Variants in JAG2 observed in about 807,000 individuals in gnomAD.
The protein encoded by JAG2 is protein jagged-2.
A neutral mutation model predicts 141.7 loss-of-function variants in JAG2; 46 were observed. That is an observed-to-expected ratio of 0.32 (90% CI 0.26 to 0.42). The LOEUF is 0.42. JAG2 is among the 10% of genes least tolerant of loss of function. The pLI, the probability that JAG2 is intolerant of heterozygous loss-of-function variation, is 1.00. For synonymous variants in JAG2, 862 were observed against 763.5 expected (o/e 1.13, Z -2.13); for missense variants, 1,500 against 1,817.5 (o/e 0.83, Z 3.18).
chr14:105,145,084 T>A, intron 23 of JAG2, 23 bp from the exon 24 acceptor site: 1 of 1,608,614 alleles, frequency 6.2e-7, no homozygotes. Flanking sequence ...AGGCAGTGCG[T>A]GGGCAGGGCA....
chr14:105,168,243 C>A, intron 1 of JAG2, 112 bp downstream of exon 1: 1 of 788,748 alleles, frequency 1.3e-6, no homozygotes, highest in South Asian at 5.6e-5. Flanking sequence ...CCGCCGCGCG[C>A]AGCCTCGAGG....
chr14:105,150,483 G>A (rs902345678), intron 12 of JAG2, 121 bp downstream of exon 12: 12 of 1,026,946 alleles, frequency 1.2e-5, no homozygotes, highest in East Asian at 7.8e-5. Flanking sequence ...AGCCTGGGAC[G>A]CCTTGGGGAC....
intron 2 of JAG2, among the ~76,000 whole-genome samples, chr14:105,163,578 C>T (rs1018866752): frequency 2.9e-5 from 4 of 138,092 alleles, no homozygotes; most frequent in Non-Finnish European, 4.6e-5. Flanking sequence ...ACAGGGACTC[C>T]GCTCAGGCCT....
At position 105,168,097 on chromosome 14, in the gene JAG2, G is replaced by T; in HGVS notation, c.77C>A (p.Pro26His). 1 of 1,556,908 alleles carries T rather than the reference G, an allele frequency of 6.4e-7. No individual in the cohort carries two copies. Residue 26 changes from proline to histidine, a missense_variant, in exon 2 of 26, where the codon CCC (proline) becomes CAC (histidine). Physicochemically the swap from Pro to His is moderately conservative, Grantham distance 77 (BLOSUM62 -2). Around this residue, in one of 3 missense-constraint regions of JAG2, gnomAD observed 200 missense variants for 174.3 expected, o/e 1.15. Coordinates refer to ENST00000331782, the MANE Select transcript of JAG2 (RefSeq NM_002226.5). ...LLALWVQAAR[P>H]MGYFELQLSA... is the part of the protein sequence containing the mutation. ...CAGCTGCAGCTCGAAATAGCCCATG[G>T]GCCGCGCCGCCTAAAAATAAGGCAG... is the stretch of plus-strand genomic sequence containing the variant.
chr14:105,145,000 G>A lies in JAG2; in HGVS notation c.3014C>T (p.Ala1005Val). The change falls in exon 24 of 26, where the codon GCA becomes GTA. Residue 1005 changes from alanine (A) to valine (V), a missense_variant. Ala to Val is a moderately conservative substitution (Grantham distance 64). Transcript: ENST00000331782. Reference sequence around the variant, plus strand: ...AAGCAACACCAGCAGGCGGTCCCGTGCCACAGCCCTTGTGGCTGGCAGGGA... The same window carrying A: ...AAGCAACACCAGCAGGCGGTCCCGTACCACAGCCCTTGTGGCTGGCAGGGA... ...IRSLPATRAV[A>V]RDRLLVLLCD... 1 of 1,609,740 alleles carries A rather than the reference G, an allele frequency of 6.2e-7. No homozygotes were observed.
Position 105,165,806 on chromosome 14 carries a change from G to A in JAG2, c.417+1951C>T, listed in dbSNP as rs1888891248. ...CGGGCCTGGGCAGGATGCCACCCTA[G>A]CCTCCAGGCTGAAACCCCTCCTCAG... On this transcript the variant is annotated intron_variant, in intron 2 of 25. Coordinates refer to ENST00000331782, the MANE Select transcript of JAG2 (RefSeq NM_002226.5). Among the ~76,000 whole-genome samples the A allele has an allele frequency of 2.6e-5, 4 of 152,214 alleles. No individual in the cohort carries two copies. The South Asian group carries it at 8.3e-4, about 32-fold the overall frequency.
Position 105,155,955 on chromosome 14 carries a change from G to A in JAG2, c.510C>T (p.Gly170=), listed in dbSNP as rs1021660687. 4 of 1,609,034 alleles carry A rather than the reference G, an allele frequency of 2.5e-6. No homozygotes were observed. Among genetic ancestry groups the A allele is most frequent in the South Asian group, 1.1e-5 (1 of 91,046 alleles). Residue 170 remains glycine (G), a synonymous_variant, in exon 4 of 26, where the codon GGC becomes GGT. Transcript: ENST00000331782. The part of the protein sequence containing the change: ...ELLIERVSHA[G]MINPEDRWKS... Reference sequence around the variant, plus strand: ...TCCAGCGGTCCTCCGGGTTGATCATGCCGGCATGCGACACTCGCTCGATCA... The same window carrying A: ...TCCAGCGGTCCTCCGGGTTGATCATACCGGCATGCGACACTCGCTCGATCA...
Position 105,150,998 on chromosome 14 carries a change from G to A in JAG2, c.1374C>T (p.Cys458=). 4 of 1,612,342 alleles carry A rather than the reference G, an allele frequency of 2.5e-6. No homozygotes were observed. Among genetic ancestry groups the A allele is most frequent in the South Asian group, 1.1e-5 (1 of 90,898 alleles). ...DCIPGWKGIN[C]HINVNDCRGQ... is the part of the protein sequence containing the mutation. ...CCCACCCCCCATACTGACTGATATGGCAGTTGATGCCCTTCCAGCCCGGGA... is the reference window on the plus strand; with the variant it reads ...CCCACCCCCCATACTGACTGATATGACAGTTGATGCCCTTCCAGCCCGGGA... The change falls in exon 10 of 26, where the codon TGC becomes TGT. Residue 458 remains cysteine, a synonymous_variant. Coordinates refer to ENST00000331782, the MANE Select transcript of JAG2 (RefSeq NM_002226.5).
chr14:105,150,958 G>C, intron 10 of JAG2, 33 bp downstream of exon 10: 29 of 1,598,368 alleles, frequency 1.8e-5, no homozygotes, highest in Non-Finnish European at 2.3e-5. Flanking sequence ...ATGTGCCTCG[G>C]CCCACCCGCC....
In JAG2 at chr14:105,156,165, G is replaced by A. The variant is rs868220771; in HGVS notation, c.476-176C>T. 1.6e-4 allele frequency among the ~76,000 whole-genome samples: 25 copies of A among 151,770 alleles called. No homozygotes were observed. The Middle Eastern group carries it at 0.01, about 62-fold the overall frequency. On this transcript the variant is annotated intron_variant, in intron 3 of 25. Coordinates refer to ENST00000331782, the MANE Select transcript of JAG2 (RefSeq NM_002226.5). ...GCTGCTACAGAAAGCTCAGGGCCCC[G>A]AGAGGCCTCTCCCTCCCGCCACCAA...
chr14:105,161,334 C>A (rs1047148607), intron 2 of JAG2, among the ~76,000 whole-genome samples: 2 of 152,122 alleles, frequency 1.3e-5, no homozygotes. Context: ...GAGGATGGGG[C>A]CAGCATGGGT....
chr14:105,143,123 C>T lies in JAG2; in HGVS notation c.3289G>A (p.Ala1097Thr). ...LCGAFSVLWL[A>T]CVVLCVWWTR... ...CACCACACGCACAGGACCACGCACG[C>T]CAGCCACAGCACGCTGAAGGCACCA... Residue 1097 changes from alanine to threonine, a missense_variant, in exon 26 of 26, where the codon GCG (alanine) becomes ACG (threonine). Physicochemically the swap from Ala to Thr is moderately conservative, Grantham distance 58. Transcript: ENST00000331782. 1 of 1,599,132 alleles carries T rather than the reference C, an allele frequency of 6.3e-7. No individual in the cohort carries two copies. Among genetic ancestry groups the T allele is most frequent in the East Asian group, 2.2e-5 (1 of 44,866 alleles).
chr14:105,153,949 C>T lies in JAG2; in HGVS notation c.788+1613G>A, dbSNP rs1445079532. On this transcript the variant is annotated intron_variant, in intron 5 of 25. Coordinates refer to ENST00000331782, the MANE Select transcript of JAG2 (RefSeq NM_002226.5). ...CATCTACATCTGCCCAGACCAGGTCCACCTTGTTGCACTTTCTGAGCTGAC... is the reference window on the plus strand; with the variant it reads ...CATCTACATCTGCCCAGACCAGGTCTACCTTGTTGCACTTTCTGAGCTGAC... Among the ~76,000 whole-genome samples, 23 of 152,218 alleles carry T rather than the reference C, an allele frequency of 1.5e-4. 1 individual carries two copies. Among genetic ancestry groups the T allele is most frequent in the Admixed American group, 1.3e-3 (20 of 15,284 alleles).
chr14:105,164,065 C>T (rs1888838013), intron 2 of JAG2, among the ~76,000 whole-genome samples: 2 of 151,924 alleles, frequency 1.3e-5, no homozygotes, highest in African/African-American at 4.8e-5. Flanking sequence ...AGCAGCAGTC[C>T]CCTCCCACCC....
rs1416560506 is a variant in JAG2 at position 105,154,316 on chromosome 14, G to A, written c.788+1246C>T. 6.6e-6 allele frequency among the ~76,000 whole-genome samples: 1 copy of A among 152,140 alleles called. No homozygotes were observed. The highest frequency in any genetic ancestry group is 1.5e-5 in the Non-Finnish European group (1 of 68,016). ...CCCTGCAATCCAAGGCTGGCTGGAG[G>A]GCGGTGCTCACCTCCACCTGCTGTC... On this transcript the variant is annotated intron_variant, in intron 5 of 25. Coordinates refer to ENST00000331782, the MANE Select transcript of JAG2 (RefSeq NM_002226.5). The surrounding 1 kb of genome is among the most constrained non-coding windows in gnomAD (Gnocchi z 4.4).
intron 17 of JAG2, 67 bp downstream of exon 17, chr14:105,148,049 C>G: frequency 7.5e-7 from 1 of 1,342,200 alleles, no homozygotes; most frequent in Non-Finnish European, 1.0e-6. Context: ...CGGCCCATCG[C>G]GCCCGAGGGA....
chr14:105,150,182 C>T (rs1595177831), intron 12 of JAG2, among the ~76,000 whole-genome samples: 3 of 151,620 alleles, frequency 2.0e-5, no homozygotes, highest in African/African-American at 7.3e-5. Flanking sequence ...GAGGCGAGAG[C>T]ATCAGCCCTG....
At position 105,142,936 on chromosome 14, in the gene JAG2, C is replaced by T. The variant is rs200736888; in HGVS notation, c.3476G>A (p.Arg1159His). 3.9e-4 allele frequency: 629 copies of T among 1,608,524 alleles called. 1 individual carries two copies. The highest frequency in any genetic ancestry group is 5.0e-4 in the Non-Finnish European group (587 of 1,177,680). ...CCCGGGCAGCGCCTCGTCCGCCCTGCGCGGCGGCGGCGTGAAGTTCTTGCA... is the reference window on the plus strand; with the variant it reads ...CCCGGGCAGCGCCTCGTCCGCCCTGTGCGGCGGCGGCGTGAAGTTCTTGCA... Reference protein sequence around the residue: ...YQCKNFTPPPRRADEALPGPA... With the variant: ...YQCKNFTPPPHRADEALPGPA... Residue 1159 changes from arginine to histidine, a missense_variant, in exon 26 of 26, where the codon CGC becomes CAC. By Grantham distance (29) the Arg-to-His change is conservative. Around this residue, in one of 3 missense-constraint regions of JAG2, gnomAD observed 425 missense variants for 441.0 expected, o/e 0.96. Coordinates refer to ENST00000331782, the MANE Select transcript of JAG2 (RefSeq NM_002226.5).
Position 105,168,496 on chromosome 14 carries a change from G to A in JAG2, c.-76C>T. 1 of 306,638 alleles carries A rather than the reference G, an allele frequency of 3.3e-6. No homozygotes were observed. Among genetic ancestry groups the A allele is most frequent in the Non-Finnish European group, 4.7e-6 (1 of 212,954 alleles). 19.0% of individuals were successfully genotyped at this position (306,638 alleles called of 1,614,324 possible). ...TCCCAGCCGCCGCGCCGGCCTCCCA[G>A]CGCCCGCCCGCCCTCCGAGCGCCCG... On this transcript the variant is annotated 5_prime_UTR_variant, in exon 1 of 26. Coordinates refer to ENST00000331782, the MANE Select transcript of JAG2 (RefSeq NM_002226.5).
Sources: gnomAD v4.1 joint callset for allele counts (sites outside exome capture counted in the v4.1 genomes callset) on GRCh38, gnomAD v4.1.1 for gene constraint, gnomAD v4.1.1 regional missense constraint, Gnocchi (gnomAD v3.1) non-coding constraint, MANE v1.5 for transcripts, NCBI Gene and HGNC (gene_info 2026-07-23, HGNC 2026-07-21) for gene names.